ULK4: variants seen among roughly 807,000 people sequenced by gnomAD.
The protein encoded by ULK4 is inactive serine/threonine-protein kinase ULK4.
A neutral mutation model predicts 160.6 loss-of-function variants in ULK4; 133 were observed. The observed-to-expected ratio is 0.83, with a 90% CI of 0.72 to 0.96. The LOEUF is 0.96. ULK4 is among the 40% of genes least tolerant of loss of function. The pLI is 0.00. For synonymous variants in ULK4, 534 were observed against 539.8 expected (o/e 0.99, Z 0.15); for missense variants, 1,580 against 1,499.5 (o/e 1.05, Z -0.89).
chr3:41,799,826 G>A (rs1170624728), intron 20 of ULK4, among the ~76,000 whole-genome samples: 2 of 152,076 alleles, frequency 1.3e-5, no homozygotes, highest in African/African-American at 4.8e-5. Flanking sequence ...TCACACCACT[G>A]CACTCCAGCC....
chr3:41,652,560 G>A (rs2034782934), intron 30 of ULK4, among the ~76,000 whole-genome samples: 1 of 152,156 alleles, frequency 6.6e-6, no homozygotes, highest in Non-Finnish European at 1.5e-5. Context: ...CTATGACAGT[G>A]GGAGAAAGAA....
chr3:41,602,896 C>T (rs1398799178), intron 31 of ULK4, among the ~76,000 whole-genome samples: 3 of 151,794 alleles, frequency 2.0e-5, no homozygotes, highest in Non-Finnish European at 2.9e-5. Flanking sequence ...TTCTAAAAAA[C>T]GTTCATGTAA....
At chr3:41,617,094 G>A (rs2125684811) in intron 30 of ULK4, among the ~76,000 whole-genome samples, 1 of 152,328 alleles carries the variant, frequency 6.6e-6, no homozygotes, top group Non-Finnish European at 1.5e-5. Flanking sequence ...AAAGGTAGCA[G>A]CCCAAGTCAG....
chr3:41,849,431 T>G (rs1423989615), intron 17 of ULK4, among the ~76,000 whole-genome samples: 1 of 152,052 alleles, frequency 6.6e-6, no homozygotes. Flanking sequence ...TACAACATTC[T>G]GGAAAAGGCA....
At chr3:41,662,569 T>A (rs767260322) in intron 30 of ULK4, among the ~76,000 whole-genome samples, 5 of 152,110 alleles carry the variant, frequency 3.3e-5, no homozygotes, top group Non-Finnish European at 5.9e-5. Flanking sequence ...AATAATGCAA[T>A]ACTTTCTGTG....
chr3:41,510,090 CTAACACA>C (rs1211626335), intron 32 of ULK4, among the ~76,000 whole-genome samples: 1 of 152,082 alleles, frequency 6.6e-6, no homozygotes, highest in African/African-American at 2.4e-5. Context: ...GGAGAGTCAC[CTAACACA>C]TAAGAACTCA....
intron 21 of ULK4, among the ~76,000 whole-genome samples, chr3:41,765,687 T>C (rs975520774): frequency 4.6e-5 from 7 of 152,298 alleles, no homozygotes; most frequent in African/African-American, 1.7e-4. Flanking sequence ...TTATTTCTTA[T>C]ACTAGAAAGA....
intron 34 of ULK4, among the ~76,000 whole-genome samples, chr3:41,431,768 T>A (rs186615871): frequency 1.4e-5 from 2 of 146,698 alleles, no homozygotes; most frequent in Non-Finnish European, 3.0e-5. Flanking sequence ...AAGATGCGAC[T>A]ATTTCTTTTT....
chr3:41,414,462 T>C (rs1398444395), intron 34 of ULK4, among the ~76,000 whole-genome samples: 1 of 152,244 alleles, frequency 6.6e-6, no homozygotes, highest in Non-Finnish European at 1.5e-5. Flanking sequence ...CTACACAATA[T>C]AATGCATTTC....
chr3:41,486,743 G>T (rs892511313), intron 32 of ULK4, among the ~76,000 whole-genome samples: 1 of 152,106 alleles, frequency 6.6e-6, no homozygotes, highest in African/African-American at 2.4e-5. Context: ...AGAGGTTGTG[G>T]TTTGGCCTTC....
intron 35 of ULK4, among the ~76,000 whole-genome samples, chr3:41,387,501 C>T (rs1019402357): frequency 6.6e-5 from 10 of 152,022 alleles, no homozygotes; most frequent in African/African-American, 2.4e-4. Flanking sequence ...TTAGGTATAT[C>T]TCCTAATGCT....
intron 35 of ULK4, among the ~76,000 whole-genome samples, chr3:41,344,653 T>C (rs2080758560): frequency 6.7e-6 from 1 of 149,242 alleles, no homozygotes. Context: ...CTCAGGAGGC[T>C]GAGGCATGAG....
chr3:41,452,920 A>C (rs527808109), intron 34 of ULK4, among the ~76,000 whole-genome samples: 1 of 152,174 alleles, frequency 6.6e-6, no homozygotes, highest in Non-Finnish European at 1.5e-5. Context: ...CATGGAATAA[A>C]GTTAAGAGTT....
At chr3:41,582,116 G>C (rs1417919256) in intron 31 of ULK4, among the ~76,000 whole-genome samples, 1 of 152,142 alleles carries the variant, frequency 6.6e-6, no homozygotes, top group Non-Finnish European at 1.5e-5. Flanking sequence ...TTGAATCATG[G>C]GGGTAATTTC....
At chr3:41,540,612 C>A (rs151247442) in intron 32 of ULK4, among the ~76,000 whole-genome samples, 2,893 of 152,318 alleles carry the variant, frequency 0.019, 50 homozygotes, top group South Asian at 0.04. Context: ...GGAATCACCA[C>A]ACTGTCCTCC....
At chr3:41,940,643 C>A (rs938690073) in intron 2 of ULK4, among the ~76,000 whole-genome samples, 1 of 151,986 alleles carries the variant, frequency 6.6e-6, no homozygotes, top group Non-Finnish European at 1.5e-5. Flanking sequence ...GGCAAGACAG[C>A]AAGACCCCAC....
intron 32 of ULK4, among the ~76,000 whole-genome samples, chr3:41,559,508 C>T (rs369905319): frequency 1.5e-5 from 2 of 132,806 alleles, no homozygotes; most frequent in East Asian, 4.3e-4. Flanking sequence ...TAAAGGTGTT[C>T]CTATTTCTCC....
intron 20 of ULK4, among the ~76,000 whole-genome samples, chr3:41,793,619 C>G (rs1440640351): frequency 6.6e-6 from 1 of 152,158 alleles, no homozygotes; most frequent in Non-Finnish European, 1.5e-5. Context: ...GTGAGAACCA[C>G]TATCCTGCAT....
intron 34 of ULK4, among the ~76,000 whole-genome samples, chr3:41,436,255 T>A (rs550067020): frequency 6.6e-6 from 1 of 152,166 alleles, no homozygotes; most frequent in Non-Finnish European, 1.5e-5. Context: ...GCTATGATGT[T>A]TGGTAGGTTT....
Sources: allele counts gnomAD v4.1 joint callset (sites outside exome capture counted in the v4.1 genomes callset), GRCh38; gene constraint gnomAD v4.1.1; transcripts MANE v1.5; gene names NCBI Gene and HGNC (gene_info 2026-07-23, HGNC 2026-07-21).